ATP6V1H: variants seen among roughly 807,000 people sequenced by gnomAD.
ATP6V1H encodes V-type proton ATPase subunit H.
A neutral mutation model predicts 71.7 loss-of-function variants in ATP6V1H; 39 were observed. The ratio of observed to expected loss-of-function variants is 0.54; its 90% CI spans 0.42 to 0.71. The LOEUF (loss-of-function observed/expected upper bound fraction) is 0.71, where lower values mean the gene tolerates loss of function less well. ATP6V1H is among the 30% of genes least tolerant of loss of function. The probability of loss-of-function intolerance (pLI) is 0.00; values close to 1 mark genes in which losing one functional copy is unlikely to be tolerated. For synonymous variants in ATP6V1H, 192 were observed against 199.3 expected (o/e 0.96, Z 0.31); for missense variants, 509 against 594.9 (o/e 0.86, Z 1.50).
chr8:53,796,336 T>A (rs1809735835), intron 8 of ATP6V1H, among the ~76,000 whole-genome samples: 1 of 152,116 alleles, frequency 6.6e-6, no homozygotes, highest in South Asian at 2.1e-4. Flanking sequence ...ATCAAAAACC[T>A]CAGTTTGATC....
chr8:53,761,600 GCT>G lies in ATP6V1H; in HGVS notation c.1176-4946_1176-4945del, dbSNP rs1195755751. 2.6e-5 allele frequency among the ~76,000 whole-genome samples: 4 copies of G among 152,138 alleles called. No homozygotes were observed. The East Asian group carries it at 7.7e-4, about 29-fold the overall frequency. ...CACTAGATTTAAAAAAAACCTCCAA[GCT>G]CTTTCTGTTGTTAAAACTCAAAGTC... On this transcript the variant is annotated intron_variant, in intron 11 of 13. Coordinates refer to ENST00000359530, the MANE Select transcript of ATP6V1H (RefSeq NM_015941.4).
In ATP6V1H at chr8:53,716,070, A is replaced by G. The variant is rs1563432788; in HGVS notation, c.1392-46T>C. ...AAGGAGAATGAGAATTTCAATAGCA[A>G]AGAATCACTTCCAAAATTGAAACAC... is the stretch of plus-strand genomic sequence containing the variant. On this transcript the variant is annotated intron_variant, in intron 13 of 13. Transcript: ENST00000359530. 3 of 1,492,768 alleles carry G rather than the reference A, an allele frequency of 2.0e-6. No individual in the cohort carries two copies. The African/African-American group carries it at 4.1e-5, about 20-fold the overall frequency. 92.5% of individuals were successfully genotyped at this position (1,492,768 alleles called of 1,614,324 possible).
At chr8:53,741,337 T>C (rs1807406727) in intron 13 of ATP6V1H, among the ~76,000 whole-genome samples, 1 of 152,168 alleles carries the variant, frequency 6.6e-6, no homozygotes, top group Non-Finnish European at 1.5e-5. Context: ...CCTTTCATAT[T>C]AGGAATATAC....
Position 53,763,010 on chromosome 8 carries a change from GTTTAC to G in ATP6V1H, c.1176-6359_1176-6355del, listed in dbSNP as rs201499535. ...TTTTCTTAATAACATTTTTTCTCTAGTTTACTTTATTGTAAGAATACAGTATATAA... is the reference window on the plus strand; with the variant it reads ...TTTTCTTAATAACATTTTTTCTCTAGTTTATTGTAAGAATACAGTATATAA... On this transcript the variant is annotated intron_variant, in intron 11 of 13. Transcript: ENST00000359530. 8.1e-3 allele frequency among the ~76,000 whole-genome samples: 1,238 copies of G among 152,118 alleles called. 2 individuals carry two copies. The highest frequency in any genetic ancestry group is 0.015 in the South Asian group (74 of 4,812).
chr8:53,822,928 G>A (rs996977322), intron 4 of ATP6V1H, among the ~76,000 whole-genome samples: 5 of 152,078 alleles, frequency 3.3e-5, no homozygotes, highest in Non-Finnish European at 5.9e-5. Context: ...ACAATTCACT[G>A]TAGATATAAC....
intron 12 of ATP6V1H, among the ~76,000 whole-genome samples, chr8:53,744,029 G>C (rs1054770083): frequency 1.3e-5 from 2 of 151,928 alleles, no homozygotes; most frequent in Non-Finnish European, 1.5e-5. Flanking sequence ...AGTATTTCTT[G>C]CTTGTTTAAT....
chr8:53,783,017 T>C (rs1809223051), intron 9 of ATP6V1H, among the ~76,000 whole-genome samples: 1 of 152,172 alleles, frequency 6.6e-6, no homozygotes, highest in African/African-American at 2.4e-5. Flanking sequence ...TTTTGTTGTG[T>C]CTCTGCCAGG....
rs562079431 is a variant in ATP6V1H, at chr8:53,747,094, G to T, written c.1278-3404C>A. ...TTCTAAAACATACAGAACTATTTTT[G>T]TTTGTTCTAAAGGTCTTTTTCTATC... On this transcript the variant is annotated intron_variant, in intron 12 of 13. Coordinates refer to ENST00000359530, the MANE Select transcript of ATP6V1H (RefSeq NM_015941.4). 1.9e-3 allele frequency among the ~76,000 whole-genome samples: 292 copies of T among 152,226 alleles called. 1 individual carries two copies. The highest frequency in any genetic ancestry group is 6.6e-3 in the African/African-American group (273 of 41,550).
At chr8:53,801,732 T>C (rs1039484119) in intron 8 of ATP6V1H, 67 bp downstream of exon 8, 2 of 1,278,092 alleles carry the variant, frequency 1.6e-6, no homozygotes, top group African/African-American at 3.0e-5. Context: ...GATTACATAT[T>C]TCTTTGAAAA....
At chr8:53,734,896 C>T (rs898416071) in intron 13 of ATP6V1H, among the ~76,000 whole-genome samples, 7 of 152,090 alleles carry the variant, frequency 4.6e-5, no homozygotes, top group Non-Finnish European at 1.0e-4. Context: ...AGGATAGATC[C>T]AGTTACTGGA....
At position 53,756,404 on chromosome 8, in the gene ATP6V1H, G is replaced by T. The variant is rs148258043; in HGVS notation, c.1277+151C>A. The T allele has an allele frequency of 7.4e-3, 4,434 of 598,136 alleles. 36 individuals carry two copies. The highest frequency in any genetic ancestry group is 0.01 in the Non-Finnish European group (3,663 of 351,574). The allele number at this position is 598,136 out of a possible 1,614,324, so 37.1% of individuals were successfully genotyped here. A position where few individuals can be genotyped will look rare whatever the true frequency, so the allele number is the denominator to read the frequency against. Reference sequence around the variant, plus strand: ...GCCTATACTACTCATTTTTAACTGGGTTTATCATAATTCTCACTATTGTGG... The same window carrying T: ...GCCTATACTACTCATTTTTAACTGGTTTTATCATAATTCTCACTATTGTGG... On this transcript the variant is annotated intron_variant, in intron 12 of 13. Transcript: ENST00000359530.
At chr8:53,838,728 A>C (rs1811249165) in intron 2 of ATP6V1H, among the ~76,000 whole-genome samples, 1 of 152,156 alleles carries the variant, frequency 6.6e-6, no homozygotes, top group African/African-American at 2.4e-5. Flanking sequence ...CTATTTATTA[A>C]GAAAAAAGCT....
At chr8:53,782,143 T>G (rs1360383561) in intron 9 of ATP6V1H, among the ~76,000 whole-genome samples, 1 of 152,172 alleles carries the variant, frequency 6.6e-6, no homozygotes, top group African/African-American at 2.4e-5. Flanking sequence ...GTATGGCCAT[T>G]TTCACGATAT....
chr8:53,802,695 G>T (rs1207314745), intron 7 of ATP6V1H, among the ~76,000 whole-genome samples: 1 of 152,006 alleles, frequency 6.6e-6, no homozygotes, highest in African/African-American at 2.4e-5. Context: ...ACTCCAGCCT[G>T]GACGACAGAG....
chr8:53,819,629 T>TGTATATACAAATGTATATATGTATATAC (rs1810577277), intron 4 of ATP6V1H, among the ~76,000 whole-genome samples: 1 of 102,780 alleles, frequency 9.7e-6, no homozygotes, highest in Non-Finnish European at 1.7e-5. Flanking sequence ...TATATACATA[T>TGTATATACAAATGTATATATGTATATAC]GTATATACAA....
intron 6 of ATP6V1H, among the ~76,000 whole-genome samples, chr8:53,814,282 T>C (rs1810376759): frequency 6.6e-6 from 1 of 152,052 alleles, no homozygotes; most frequent in Non-Finnish European, 1.5e-5. Context: ...CGAGGCATGC[T>C]CTCTCCTGCT....
At chr8:53,723,814 G>A (rs553991933) in intron 13 of ATP6V1H, among the ~76,000 whole-genome samples, 1 of 152,326 alleles carries the variant, frequency 6.6e-6, no homozygotes, top group African/African-American at 2.4e-5. Context: ...GTATGTGCTT[G>A]CTGCCTCACC....
At chr8:53,777,396 T>C (rs772086455) in intron 9 of ATP6V1H, among the ~76,000 whole-genome samples, 1 of 151,204 alleles carries the variant, frequency 6.6e-6, no homozygotes, top group Non-Finnish European at 1.5e-5. Flanking sequence ...ACGATGGAGA[T>C]GATTTTGCTG....
At chr8:53,840,220 G>A (rs1294785600) in intron 2 of ATP6V1H, among the ~76,000 whole-genome samples, 3 of 152,144 alleles carry the variant, frequency 2.0e-5, no homozygotes, top group East Asian at 3.8e-4. Flanking sequence ...AATTAGAGCC[G>A]GGCACGGTGG....
Sources: allele counts gnomAD v4.1 joint callset (sites outside exome capture counted in the v4.1 genomes callset), GRCh38; gene constraint gnomAD v4.1.1; transcripts MANE v1.5; gene names NCBI Gene and HGNC (gene_info 2026-07-23, HGNC 2026-07-21).